Variants in ARL13B observed in about 807,000 individuals in gnomAD.
ARL13B encodes the protein ARF like GTPase 13B, also known as ADP-ribosylation factor-like protein 13B.
A neutral mutation model predicts 56.1 loss-of-function variants in ARL13B; 36 were observed. The observed-to-expected ratio is 0.64, with a 90% CI of 0.49 to 0.85. The LOEUF (loss-of-function observed/expected upper bound fraction) is 0.85, where lower values mean the gene tolerates loss of function less well. Among genes scored for constraint, ARL13B ranks in the 40% least tolerant of loss-of-function variants. The pLI is 0.00. For synonymous variants in ARL13B, 178 were observed against 171.1 expected (o/e 1.04, Z -0.32); for missense variants, 519 against 507.1 (o/e 1.02, Z -0.23).
chr3:94,028,482 T>C (rs1301114465), intron 3 of ARL13B: 2 of 152,254 alleles, frequency 1.3e-5, no homozygotes, highest in Admixed American at 1.3e-4. Context: ...CTCTGTCTTA[T>C]AGGGCACAGA....
At chr3:94,050,955 C>A in intron 9 of ARL13B, 63 bp downstream of exon 9, 1 of 1,479,884 alleles carries the variant, frequency 6.8e-7, no homozygotes, top group Admixed American at 1.7e-5. Flanking sequence ...TTTCTTTAGC[C>A]TTATAATTTC....
intron 5 of ARL13B, among the ~76,000 whole-genome samples, chr3:94,038,335 C>T (rs138021852): frequency 2.0e-5 from 3 of 152,032 alleles, no homozygotes; most frequent in African/African-American, 7.2e-5. Context: ...TAGTAAATTG[C>T]AAATCTCCAA....
intron 5 of ARL13B, among the ~76,000 whole-genome samples, chr3:94,038,863 C>T (rs1322126959): frequency 6.6e-6 from 1 of 152,088 alleles, no homozygotes; most frequent in Admixed American, 6.5e-5. Flanking sequence ...TATGGAACAA[C>T]ATTACTATAA....
rs566147341 is a variant in ARL13B, at chr3:94,055,635, G to A, written c.*2372G>A. ...CATATTACGTAGTATACATGATATT[G>A]TATGTAACTGACTTCAAATATAAAA... On this transcript the variant is annotated 3_prime_UTR_variant, in exon 10 of 10. Transcript: ENST00000394222. 100 of 453,142 alleles carry A rather than the reference G, an allele frequency of 2.2e-4. No individual in the cohort carries two copies. The highest frequency in any genetic ancestry group is 3.7e-4 in the Non-Finnish European group (83 of 226,360). The allele number at this position is 453,142 out of a possible 1,614,324, so 28.1% of individuals were successfully genotyped here.
intron 2 of ARL13B, among the ~76,000 whole-genome samples, chr3:93,997,535 T>C (rs936131568): frequency 1.3e-5 from 2 of 152,380 alleles, no homozygotes; most frequent in African/African-American, 4.8e-5. Flanking sequence ...TTCTACGTTA[T>C]ATCTTCACAG....
intron 3 of ARL13B, chr3:94,028,240 G>T (rs549397501): frequency 7.5e-4 from 114 of 152,180 alleles, no homozygotes; most frequent in African/African-American, 2.7e-3. Context: ...CTGGTACCCC[G>T]GTCCAAATCT....
chr3:94,002,792 C>T lies in ARL13B; in HGVS notation c.131-867C>T, dbSNP rs1347136986. Among the ~76,000 whole-genome samples, 5 of 152,164 alleles carry T rather than the reference C, an allele frequency of 3.3e-5. No homozygotes were observed. The East Asian group carries it at 9.6e-4, about 29-fold the overall frequency. ...GATATTTTCAATAATTCCTTGTTCT[C>T]TATCTTCAGAACCCTCTTCTATTTG... On this transcript the variant is annotated intron_variant, in intron 2 of 9. Transcript: ENST00000394222.
chr3:94,039,839 T>C, intron 5 of ARL13B, 41 bp from the exon 6 acceptor site: 3 of 1,579,538 alleles, frequency 1.9e-6, no homozygotes, highest in Non-Finnish European at 2.6e-6. Flanking sequence ...GGTTCAGCAC[T>C]TTCTCAAAGG....
intron 6 of ARL13B, among the ~76,000 whole-genome samples, chr3:94,042,275 A>C (rs1487783090): frequency 6.6e-6 from 1 of 152,108 alleles, no homozygotes; most frequent in African/African-American, 2.4e-5. Context: ...ATTTTTTCTG[A>C]AGGGAAGTTT....
chr3:94,036,417 G>T, intron 4 of ARL13B, 135 bp from the exon 5 acceptor site: 1 of 866,226 alleles, frequency 1.2e-6, no homozygotes. Context: ...TGTTTTGGAA[G>T]TTAAATAAGC....
rs140417841 is a variant in ARL13B at position 94,007,189 on chromosome 3, G to T, written c.380+3281G>T. On this transcript the variant is annotated intron_variant, in intron 3 of 9. Coordinates refer to ENST00000394222, the MANE Select transcript of ARL13B (RefSeq NM_001174150.2). ...CCAATAACAAGCAAGCAGAAAACAAGACCTCTGAAAAGCTTCATTTAATAG... is the reference window on the plus strand; with the variant it reads ...CCAATAACAAGCAAGCAGAAAACAATACCTCTGAAAAGCTTCATTTAATAG... 1.4e-3 allele frequency among the ~76,000 whole-genome samples: 211 copies of T among 152,216 alleles called. 2 individuals carry two copies. Among genetic ancestry groups the T allele is most frequent in the Admixed American group, 3.9e-3 (59 of 15,292 alleles).
At chr3:94,052,139 A>G (rs1315723154) in intron 9 of ARL13B, among the ~76,000 whole-genome samples, 1 of 152,142 alleles carries the variant, frequency 6.6e-6, no homozygotes, top group Non-Finnish European at 1.5e-5. Flanking sequence ...TGTTGTTAGA[A>G]AACTAATGTT....
intron 3 of ARL13B, among the ~76,000 whole-genome samples, chr3:94,019,203 T>A (rs1392392993): frequency 1.3e-5 from 2 of 152,152 alleles, no homozygotes; most frequent in African/African-American, 2.4e-5. Flanking sequence ...TTTTTGTTAA[T>A]TTTTTATTTT....
At chr3:94,009,886 G>A (rs2076195806) in intron 3 of ARL13B, among the ~76,000 whole-genome samples, 1 of 151,940 alleles carries the variant, frequency 6.6e-6, no homozygotes, top group African/African-American at 2.4e-5. Flanking sequence ...TTAAGTACTG[G>A]GAGCCTGCAG....
At chr3:94,048,954 C>T (rs1007901589) in intron 7 of ARL13B, among the ~76,000 whole-genome samples, 1 of 151,974 alleles carries the variant, frequency 6.6e-6, no homozygotes, top group Non-Finnish European at 1.5e-5. Flanking sequence ...CCTTTTATGT[C>T]ACATTTCAAA....
intron 3 of ARL13B, among the ~76,000 whole-genome samples, chr3:94,017,032 A>G (rs756524943): frequency 3.9e-5 from 6 of 152,022 alleles, no homozygotes; most frequent in African/African-American, 1.2e-4. Flanking sequence ...AACTCTGCCA[A>G]CTCTATGCTA....
rs28539537 is a variant in ARL13B at position 94,029,324 on chromosome 3, A to T, written c.381-6007A>T. Among the ~76,000 whole-genome samples the T allele has an allele frequency of 2.0e-3, 196 of 98,690 alleles. 3 individuals are homozygous for T. Among genetic ancestry groups the T allele is most frequent in the African/African-American group, 9.5e-3 (184 of 19,318 alleles). 64.7% of individuals were successfully genotyped at this position (98,690 alleles called of 152,430 possible). Reference sequence around the variant, plus strand: ...ATCATATATATATATATATATATATATATATATATATTTATTTTTTTTTTA... The same window carrying T: ...ATCATATATATATATATATATATATTTATATATATATTTATTTTTTTTTTA... On this transcript the variant is annotated intron_variant, in intron 3 of 9. Coordinates refer to ENST00000394222, the MANE Select transcript of ARL13B (RefSeq NM_001174150.2).
chr3:93,987,540 A>T (rs1019093931), intron 1 of ARL13B, among the ~76,000 whole-genome samples: 9 of 152,112 alleles, frequency 5.9e-5, no homozygotes, highest in African/African-American at 1.9e-4. Flanking sequence ...GAATTATTTC[A>T]GTTTTTTCTT....
intron 2 of ARL13B, among the ~76,000 whole-genome samples, chr3:93,999,068 C>G (rs1004358018): frequency 6.6e-6 from 1 of 150,682 alleles, no homozygotes; most frequent in Admixed American, 6.6e-5. Flanking sequence ...GTCACAGTAG[C>G]TTTTTTCTAA....
Sources: gnomAD v4.1 joint callset for allele counts (sites outside exome capture counted in the v4.1 genomes callset) on GRCh38, gnomAD v4.1.1 for gene constraint, MANE v1.5 for transcripts, NCBI Gene and HGNC (gene_info 2026-07-23, HGNC 2026-07-21) for gene names.